UBAC2: variants seen among roughly 807,000 people sequenced by gnomAD.
UBAC2 encodes the protein ubiquitin-associated domain-containing protein 2.
A neutral mutation model predicts 44.0 loss-of-function variants in UBAC2; 26 were observed. The ratio of observed to expected loss-of-function variants is 0.59; its 90% CI spans 0.43 to 0.82. The LOEUF (loss-of-function observed/expected upper bound fraction) is 0.82, where lower values mean the gene tolerates loss of function less well. Ranked by LOEUF, UBAC2 falls within the 40% of genes least tolerant of loss-of-function variation. UBAC2 has a pLI of 0.00. For missense variants in UBAC2, 329 were observed against 419.4 expected (o/e 0.78, Z 1.88); for synonymous variants, 155 against 154.3 (o/e 1.00, Z -0.04).
At chr13:99,321,480 T>C (rs1025968446) in intron 6 of UBAC2, among the ~76,000 whole-genome samples, 2 of 152,150 alleles carry the variant, frequency 1.3e-5, no homozygotes, top group Non-Finnish European at 2.9e-5. Context: ...GGCTACTTTT[T>C]TTGTATTTTT....
At chr13:99,342,512 G>C (rs892249079) in intron 7 of UBAC2, among the ~76,000 whole-genome samples, 1 of 152,126 alleles carries the variant, frequency 6.6e-6, no homozygotes, top group African/African-American at 2.4e-5. Context: ...TGGATGCCAG[G>C]TTGGATGCTC....
At chr13:99,299,126 T>C (rs2044219443) in intron 4 of UBAC2, among the ~76,000 whole-genome samples, 1 of 152,228 alleles carries the variant, frequency 6.6e-6, no homozygotes, top group Non-Finnish European at 1.5e-5. Context: ...GTGCCATTGC[T>C]TGCCAGTTTG....
intron 7 of UBAC2, among the ~76,000 whole-genome samples, chr13:99,347,342 A>C (rs2045006385): frequency 1.5e-5 from 1 of 68,124 alleles, no homozygotes; most frequent in Admixed American, 1.7e-4. Flanking sequence ...CCCAGGAAAA[A>C]AAAGGCAAGT....
Position 99,257,713 on chromosome 13 carries a change from A to T in UBAC2, c.389+13089A>T, listed in dbSNP as rs183944141. 9.8e-5 allele frequency among the ~76,000 whole-genome samples: 15 copies of T among 152,322 alleles called. No homozygotes were observed. The East Asian group carries it at 2.9e-3, about 29-fold the overall frequency. On this transcript the variant is annotated intron_variant, in intron 4 of 8. Transcript: ENST00000403766. Reference sequence around the variant, plus strand: ...ATCTGTAGCTTTTCTTTTCTTAAAAACCATTAAGTTATTTCATGAAACAAT... The same window carrying T: ...ATCTGTAGCTTTTCTTTTCTTAAAATCCATTAAGTTATTTCATGAAACAAT...
intron 7 of UBAC2, among the ~76,000 whole-genome samples, chr13:99,360,461 C>A (rs2138878611): frequency 6.6e-6 from 1 of 152,308 alleles, no homozygotes; most frequent in Non-Finnish European, 1.5e-5. Flanking sequence ...TTTGAAAATG[C>A]ATCTAAGGTG....
intron 2 of UBAC2, among the ~76,000 whole-genome samples, chr13:99,240,981 T>C (rs1677174858): frequency 6.6e-6 from 1 of 152,200 alleles, no homozygotes; most frequent in Non-Finnish European, 1.5e-5. Context: ...GACAGTTGGC[T>C]GGGTGTGGTG....
intron 4 of UBAC2, among the ~76,000 whole-genome samples, chr13:99,311,396 G>T (rs1272792886): frequency 2.0e-5 from 3 of 152,168 alleles, no homozygotes; most frequent in African/African-American, 7.2e-5. Flanking sequence ...TCAGGGCCTG[G>T]GACGTCTTTG....
chr13:99,288,724 A>AT (rs1165355963), intron 4 of UBAC2, among the ~76,000 whole-genome samples: 1 of 152,212 alleles, frequency 6.6e-6, no homozygotes, highest in Non-Finnish European at 1.5e-5. Flanking sequence ...ATTTTCCATG[A>AT]TTAGCATTTT....
At position 99,367,878 on chromosome 13, in the gene UBAC2, C is replaced by T. The variant is rs1426193222; in HGVS notation, c.899C>T (p.Ala300Val). The T allele has an allele frequency of 1.9e-6, 3 of 1,613,786 alleles. No homozygotes were observed. Among genetic ancestry groups the T allele is most frequent in the African/African-American group, 1.3e-5 (1 of 74,890 alleles). The change falls in exon 8 of 9, where the codon GCG (alanine) becomes GTG (valine). Residue 300 changes from alanine to valine, a missense_variant. Ala to Val is a moderately conservative substitution (Grantham distance 64, BLOSUM62 0). Transcript: ENST00000403766. ...YQGGRQSEPA[A>V]PPLEVSEEQV... is the part of the protein sequence containing the mutation. ...GGCGGTCGGCAGTCTGAGCCAGCAG[C>T]GCCCCCTCTAGAAGTTTCTGAGGAA...
intron 5 of UBAC2, among the ~76,000 whole-genome samples, chr13:99,316,352 A>C (rs935050656): frequency 1.3e-5 from 2 of 152,056 alleles, no homozygotes; most frequent in African/African-American, 4.8e-5. Flanking sequence ...AAGCCTTTGC[A>C]TGTGTTTCTG....
At chr13:99,234,171 CTTTTTTTTTT>C (rs773370310) in intron 1 of UBAC2, among the ~76,000 whole-genome samples, 9 of 61,684 alleles carry the variant, frequency 1.5e-4, no homozygotes, top group South Asian at 8.5e-4. Flanking sequence ...CTAGCCGTTT[CTTTTTTTTTT>C]TTTTTTTTTT....
intron 1 of UBAC2, among the ~76,000 whole-genome samples, chr13:99,213,561 T>C (rs2042958302): frequency 2.0e-5 from 3 of 152,136 alleles, no homozygotes; most frequent in Admixed American, 2.0e-4. Flanking sequence ...GGTTTTACCA[T>C]GTTGGCCAGG....
chr13:99,286,962 TG>T (rs533198070), intron 4 of UBAC2, among the ~76,000 whole-genome samples: 41 of 152,256 alleles, frequency 2.7e-4, no homozygotes, highest in Middle Eastern at 6.8e-3. Flanking sequence ...CTACCCCCGA[TG>T]TAACAAGAGT....
intron 1 of UBAC2, among the ~76,000 whole-genome samples, chr13:99,205,182 G>A (rs552224070): frequency 3.9e-5 from 6 of 152,298 alleles, no homozygotes; most frequent in South Asian, 4.1e-4. Context: ...GATTATAGGC[G>A]TGAGCCACTG....
At chr13:99,254,276 C>G (rs989304474) in intron 4 of UBAC2, among the ~76,000 whole-genome samples, 3 of 152,086 alleles carry the variant, frequency 2.0e-5, no homozygotes, top group Non-Finnish European at 2.9e-5. Context: ...ATCATTAGTC[C>G]TAAATAGGGT....
chr13:99,215,684 G>T, intron 1 of UBAC2: 1 of 1,496,820 alleles, frequency 6.7e-7, no homozygotes, highest in Non-Finnish European at 9.0e-7. Context: ...GGAACTGCAA[G>T]CCGGCTCTCT....
chr13:99,204,609 C>A (rs1317644910), intron 1 of UBAC2, among the ~76,000 whole-genome samples: 4 of 152,058 alleles, frequency 2.6e-5, no homozygotes, highest in African/African-American at 4.8e-5. Context: ...CGGGAGGAGA[C>A]AATTTCAGGG....
At chr13:99,239,102 A>G (rs994962198) in intron 2 of UBAC2, among the ~76,000 whole-genome samples, 3 of 152,332 alleles carry the variant, frequency 2.0e-5, no homozygotes, top group African/African-American at 7.2e-5. Flanking sequence ...TGGAGTGTTC[A>G]TGCAAATTCT....
intron 1 of UBAC2, among the ~76,000 whole-genome samples, chr13:99,221,547 A>G (rs537403641): frequency 3.3e-5 from 5 of 152,068 alleles, no homozygotes; most frequent in African/African-American, 9.6e-5. Context: ...CTCACCTTTT[A>G]TTTTATTTCT....
Sources: gnomAD v4.1 joint callset for allele counts (sites outside exome capture counted in the v4.1 genomes callset) on GRCh38, gnomAD v4.1.1 for gene constraint, MANE v1.5 for transcripts, NCBI Gene and HGNC (gene_info 2026-07-23, HGNC 2026-07-21) for gene names.